The following CCSER1 variants were observed in gnomAD, a reference collection of about 807,000 sequenced individuals.
The protein encoded by CCSER1 is serine-rich coiled-coil domain-containing protein 1.
CCSER1 carries 41 observed loss-of-function variants against 82.0 expected under a neutral mutation model. That is an observed-to-expected ratio of 0.50 (90% CI 0.39 to 0.65). CCSER1 has a LOEUF of 0.65. Among genes scored for constraint, CCSER1 ranks in the 30% least tolerant of loss-of-function variants. The pLI is 0.00. For synonymous variants in CCSER1, 414 were observed against 383.9 expected, an observed-to-expected ratio of 1.08 and a Z score of -0.92; for missense variants, 1,119 against 1,064.2, an observed-to-expected ratio of 1.05 and a Z score of -0.72.
chr4:91,141,238 C>T (rs950639716), intron 10 of CCSER1, among the ~76,000 whole-genome samples: 36 of 151,898 alleles, frequency 2.4e-4, no homozygotes, highest in African/African-American at 8.2e-4. Flanking sequence ...ACTGCAACCT[C>T]TACCTCTTGA....
chr4:91,171,960 T>A (rs1208850159), intron 10 of CCSER1, among the ~76,000 whole-genome samples: 1 of 152,130 alleles, frequency 6.6e-6, no homozygotes, highest in Non-Finnish European at 1.5e-5. Context: ...GCTATTTGGT[T>A]CATTTTTCCC....
intron 10 of CCSER1, among the ~76,000 whole-genome samples, chr4:91,518,970 C>G (rs899481297): frequency 6.6e-6 from 1 of 152,136 alleles, no homozygotes; most frequent in African/African-American, 2.4e-5. Context: ...GAGGTTCCAG[C>G]GTATTGACTA....
rs369318667 is a variant in CCSER1, at chr4:90,272,538, C to G, written c.-41-35706C>G. On this transcript the variant is annotated intron_variant, in intron 1 of 10. Transcript: ENST00000509176. Reference sequence around the variant, plus strand: ...ACTAAAAATAGAGCTACCATATGACCTAGGTATCCCACTGCTAGGTATATT... The same window carrying G: ...ACTAAAAATAGAGCTACCATATGACGTAGGTATCCCACTGCTAGGTATATT... Among the ~76,000 whole-genome samples the G allele has an allele frequency of 5.3e-5, 8 of 152,190 alleles. No homozygotes were observed. In the East Asian group the frequency reaches 1.5e-3, roughly 29 times the overall value.
chr4:91,272,123 G>A (rs1560557732), intron 10 of CCSER1, among the ~76,000 whole-genome samples: 2 of 152,268 alleles, frequency 1.3e-5, no homozygotes, highest in Admixed American at 6.5e-5. Flanking sequence ...TGGGTAGATA[G>A]CCAATACTGG....
intron 1 of CCSER1, among the ~76,000 whole-genome samples, chr4:90,181,692 A>C (rs902228628): frequency 6.6e-6 from 1 of 152,200 alleles, no homozygotes; most frequent in African/African-American, 2.4e-5. Context: ...TTGATTAAAA[A>C]ATTAAATTTC....
chr4:90,765,030 G>A (rs1750994699), intron 7 of CCSER1, among the ~76,000 whole-genome samples: 1 of 151,974 alleles, frequency 6.6e-6, no homozygotes, highest in Non-Finnish European at 1.5e-5. Context: ...ATGAAAAGTA[G>A]AGAAAAAAAA....
Position 90,525,887 on chromosome 4 carries a change from G to A in CCSER1, c.1724+57533G>A, listed in dbSNP as rs144894301. On this transcript the variant is annotated intron_variant, in intron 5 of 10. Transcript: ENST00000509176. ...ACTACAAGGCACAAGTGATCCTCCC[G>A]CCTCAGCCTTCATAACTTCTGGATT... Among the ~76,000 whole-genome samples the A allele has an allele frequency of 4.5e-3, 685 of 152,096 alleles. 7 individuals are homozygous for A. Among genetic ancestry groups the A allele is most frequent in the African/African-American group, 0.016 (650 of 41,480 alleles).
At chr4:90,566,299 GC>G (rs1779371030) in intron 5 of CCSER1, among the ~76,000 whole-genome samples, 1 of 151,840 alleles carries the variant, frequency 6.6e-6, no homozygotes, top group Non-Finnish European at 1.5e-5. Flanking sequence ...AGTGAGACTG[GC>G]TTTTTATTAT....
chr4:90,971,801 C>T (rs760598907), intron 9 of CCSER1, among the ~76,000 whole-genome samples: 1 of 151,818 alleles, frequency 6.6e-6, no homozygotes, highest in African/African-American at 2.4e-5. Context: ...GGATTACACT[C>T]CATGGTAAAG....
chr4:90,244,337 A>G (rs563835220), intron 1 of CCSER1, among the ~76,000 whole-genome samples: 3 of 152,342 alleles, frequency 2.0e-5, no homozygotes, highest in Middle Eastern at 3.4e-3. Flanking sequence ...AAGAAATATT[A>G]CATTCTCATC....
Position 91,347,602 on chromosome 4 carries a change from G to C in CCSER1, c.2218-250970G>C, listed in dbSNP as rs1227728157. ...AATGTTAAGTATTCTTATACATGTA[G>C]ATAGAATATATTTGTATTTATTTAG... On this transcript the variant is annotated intron_variant, in intron 10 of 10. Coordinates refer to ENST00000509176, the MANE Select transcript of CCSER1 (RefSeq NM_001145065.2). Among the ~76,000 whole-genome samples the C allele has an allele frequency of 1.1e-4, 16 of 150,440 alleles. 1 individual carries two copies. The highest frequency in any genetic ancestry group is 3.7e-4 in the African/African-American group (15 of 40,914).
chr4:90,901,874 C>A (rs1448744404), intron 8 of CCSER1, among the ~76,000 whole-genome samples: 1 of 151,976 alleles, frequency 6.6e-6, no homozygotes, highest in African/African-American at 2.4e-5. Flanking sequence ...TAAATTATTT[C>A]TTCCAGTGTT....
At chr4:91,234,219 A>T (rs769323849) in intron 10 of CCSER1, among the ~76,000 whole-genome samples, 9 of 152,058 alleles carry the variant, frequency 5.9e-5, no homozygotes, top group Non-Finnish European at 1.2e-4. Context: ...TGTTCGCTTC[A>T]GTCTCATCTT....
rs193301272 is a variant in CCSER1 at position 90,133,970 on chromosome 4, A to G, written c.-42+6139A>G. Among the ~76,000 whole-genome samples the G allele has an allele frequency of 1.7e-4, 26 of 152,324 alleles. No individual in the cohort carries two copies. In the East Asian group the frequency reaches 4.8e-3, roughly 28 times the overall value. ...AAAGAAACCTTAAGAAATATTAAAA[A>G]TAAGGGGAGTCTTAGAATTTTTGCA... is the stretch of plus-strand genomic sequence containing the variant. On this transcript the variant is annotated intron_variant, in intron 1 of 10. Coordinates refer to ENST00000509176, the MANE Select transcript of CCSER1 (RefSeq NM_001145065.2).
rs1019909102 is a variant in CCSER1, at chr4:91,603,103, A to C, written c.*4046A>C. Among the ~76,000 whole-genome samples the C allele has an allele frequency of 6.6e-5, 10 of 152,124 alleles. No homozygotes were observed. Among genetic ancestry groups the C allele is most frequent in the Non-Finnish European group, 1.3e-4 (9 of 67,990 alleles). ...TGTAGAAGGCGTAATATAAAATACA[A>C]ACTAGTTTTGGTTCTTATAAAAGGC... is the stretch of plus-strand genomic sequence containing the variant. On this transcript the variant is annotated 3_prime_UTR_variant, in exon 11 of 11. Transcript: ENST00000509176.
At chr4:91,294,618 A>G (rs1384034467) in intron 10 of CCSER1, among the ~76,000 whole-genome samples, 1 of 151,774 alleles carries the variant, frequency 6.6e-6, no homozygotes, top group Non-Finnish European at 1.5e-5. Flanking sequence ...TGTTAGCTCT[A>G]GAGGCTGTCA....
chr4:90,797,530 G>A (rs1756207292), intron 7 of CCSER1, among the ~76,000 whole-genome samples: 1 of 152,098 alleles, frequency 6.6e-6, no homozygotes, highest in Non-Finnish European at 1.5e-5. Context: ...GATGTTAACT[G>A]TTTATTTTGC....
At chr4:91,498,236 A>C (rs972512125) in intron 10 of CCSER1, among the ~76,000 whole-genome samples, 1 of 152,090 alleles carries the variant, frequency 6.6e-6, no homozygotes, top group South Asian at 2.1e-4. Flanking sequence ...AAATTTAGAT[A>C]TTTCACTTCT....
chr4:90,145,634 G>C (rs1460320057), intron 1 of CCSER1, among the ~76,000 whole-genome samples: 1 of 152,092 alleles, frequency 6.6e-6, no homozygotes, highest in Non-Finnish European at 1.5e-5. Flanking sequence ...TCTTTATGCA[G>C]TCATTGTCTT....
Sources: gnomAD v4.1 joint callset for allele counts (sites outside exome capture counted in the v4.1 genomes callset) on GRCh38, gnomAD v4.1.1 for gene constraint, MANE v1.5 for transcripts, NCBI Gene and HGNC (gene_info 2026-07-23, HGNC 2026-07-21) for gene names.